LRMDA: variants seen among roughly 807,000 people sequenced by gnomAD.
LRMDA encodes the protein leucine-rich melanocyte differentiation-associated protein.
A neutral mutation model predicts 29.8 loss-of-function variants in LRMDA; 18 were observed. That is an observed-to-expected ratio of 0.60 (90% CI 0.42 to 0.90). The LOEUF (loss-of-function observed/expected upper bound fraction) is 0.90. LRMDA is among the 40% of genes least tolerant of loss of function. The pLI is 0.00. For synonymous variants in LRMDA, 125 were observed against 109.4 expected, an observed-to-expected ratio of 1.14 and a Z score of -0.89; for missense variants, 273 against 273.9, an observed-to-expected ratio of 1.00 and a Z score of 0.02.
intron 5 of LRMDA, among the ~76,000 whole-genome samples, chr10:76,114,958 C>T (rs1183010074): frequency 1.3e-5 from 2 of 152,178 alleles, no homozygotes; most frequent in Non-Finnish European, 1.5e-5. Flanking sequence ...CTCTCACATC[C>T]TCGGTATTTT....
chr10:76,036,987 G>A (rs947901025), intron 3 of LRMDA, among the ~76,000 whole-genome samples: 3 of 152,172 alleles, frequency 2.0e-5, no homozygotes, highest in Admixed American at 2.0e-4. Flanking sequence ...AAATATTTGA[G>A]GGATGAATGC....
intron 2 of LRMDA, among the ~76,000 whole-genome samples, chr10:76,030,872 T>G (rs1238060617): frequency 2.0e-5 from 3 of 152,200 alleles, no homozygotes; most frequent in Non-Finnish European, 4.4e-5. Flanking sequence ...TTCTCTCTTT[T>G]CTCCCTTCAT....
Position 76,525,408 on chromosome 10 carries a change from A to C in LRMDA, c.602-31801A>C, listed in dbSNP as rs137889299. Among the ~76,000 whole-genome samples, 22 of 152,258 alleles carry C rather than the reference A, an allele frequency of 1.4e-4. No homozygotes were observed. The East Asian group carries it at 4.1e-3, about 28-fold the overall frequency. ...CACCCACTACTGCTCCTGAAGTCCTAAACTCTATTTTTCTTCCTACCTCTT... is the reference window on the plus strand; with the variant it reads ...CACCCACTACTGCTCCTGAAGTCCTCAACTCTATTTTTCTTCCTACCTCTT... On this transcript the variant is annotated intron_variant, in intron 6 of 6. Transcript: ENST00000611255.
At position 76,462,080 on chromosome 10, in the gene LRMDA, C is replaced by CAT. The variant is rs1188670478; in HGVS notation, c.602-95128_602-95127insTA. On this transcript the variant is annotated intron_variant, in intron 6 of 6. Coordinates refer to ENST00000611255, the MANE Select transcript of LRMDA (RefSeq NM_001305581.2). ...GTCTCAAAAAAAAAAAAAAAAACCA[C>CAT]ACACACACACACAAAAACAACAACA... Among the ~76,000 whole-genome samples, 10 of 137,900 alleles carry CAT rather than the reference C, an allele frequency of 7.3e-5. No homozygotes were observed. In the East Asian group the frequency reaches 1.6e-3, roughly 23 times the overall value. The allele number at this position is 137,900 out of a possible 152,430, so 90.5% of individuals were successfully genotyped here. A position where few individuals can be genotyped will look rare whatever the true frequency, so the allele number is the denominator to read the frequency against.
intron 2 of LRMDA, among the ~76,000 whole-genome samples, chr10:75,950,786 A>G (rs980403911): frequency 1.3e-5 from 2 of 152,228 alleles, no homozygotes; most frequent in African/African-American, 4.8e-5. Flanking sequence ...GTGATCACTC[A>G]GGAACCTTTA....
intron 2 of LRMDA, among the ~76,000 whole-genome samples, chr10:75,821,310 T>C (rs1844153538): frequency 6.6e-6 from 1 of 152,210 alleles, no homozygotes; most frequent in Non-Finnish European, 1.5e-5. Flanking sequence ...AAAAAGATAG[T>C]ATACTGTGAT....
Position 75,524,812 on chromosome 10 carries a change from T to C in LRMDA, c.131+86318T>C, listed in dbSNP as rs1845396451. On this transcript the variant is annotated intron_variant, in intron 2 of 6. Transcript: ENST00000611255. Reference sequence around the variant, plus strand: ...TTTTGTCCCATCCATCCATCTGGCATTTGTTAAGTACTTGAGATGTGCAAG... The same window carrying C: ...TTTTGTCCCATCCATCCATCTGGCACTTGTTAAGTACTTGAGATGTGCAAG... Among the ~76,000 whole-genome samples the C allele has an allele frequency of 3.3e-5, 5 of 152,148 alleles. No homozygotes were observed. The South Asian group carries it at 8.3e-4, about 25-fold the overall frequency.
At chr10:76,358,338 A>G (rs572524717) in intron 6 of LRMDA, among the ~76,000 whole-genome samples, 1 of 152,310 alleles carries the variant, frequency 6.6e-6, no homozygotes, top group African/African-American at 2.4e-5. Flanking sequence ...TGTCATTTTA[A>G]CCTTAGGATG....
At position 75,790,153 on chromosome 10, in the gene LRMDA, A is replaced by G. The variant is rs1037677369; in HGVS notation, c.132-245855A>G. 2.6e-5 allele frequency among the ~76,000 whole-genome samples: 4 copies of G among 152,118 alleles called. No homozygotes were observed. In the East Asian group the frequency reaches 7.7e-4, roughly 29 times the overall value. On this transcript the variant is annotated intron_variant, in intron 2 of 6. Transcript: ENST00000611255. ...GCCCTATTGACATTTTTGGCTGGAT[A>G]ATTCTGTGTTGTGGGGGCCGTCCTG...
chr10:75,794,202 C>A (rs1242447064), intron 2 of LRMDA, among the ~76,000 whole-genome samples: 1 of 152,146 alleles, frequency 6.6e-6, no homozygotes, highest in African/African-American at 2.4e-5. Context: ...GTGAAATGCA[C>A]AGATCTTATG....
At chr10:76,032,367 A>C (rs1237502924) in intron 2 of LRMDA, among the ~76,000 whole-genome samples, 3 of 152,212 alleles carry the variant, frequency 2.0e-5, no homozygotes, top group Non-Finnish European at 2.9e-5. Context: ...TCATAAGCTA[A>C]TGAGGGCAGA....
chr10:75,651,815 A>G (rs1841603196), intron 2 of LRMDA, among the ~76,000 whole-genome samples: 2 of 152,154 alleles, frequency 1.3e-5, no homozygotes, highest in African/African-American at 4.8e-5. Context: ...TACATTGTAT[A>G]GGGTTTTGAT....
At chr10:75,561,452 T>A (rs1159770399) in intron 2 of LRMDA, among the ~76,000 whole-genome samples, 1 of 152,110 alleles carries the variant, frequency 6.6e-6, no homozygotes, top group Non-Finnish European at 1.5e-5. Flanking sequence ...TAGCGGTCTG[T>A]CAATTTTGTT....
chr10:76,131,914 T>G (rs1850000294), intron 5 of LRMDA, among the ~76,000 whole-genome samples: 2 of 152,182 alleles, frequency 1.3e-5, no homozygotes, highest in African/African-American at 4.8e-5. Flanking sequence ...GTACTAAACA[T>G]TTGTTGAAAG....
chr10:76,504,189 G>T (rs55831937), intron 6 of LRMDA, among the ~76,000 whole-genome samples: 46,295 of 151,676 alleles, frequency 0.31, 7,537 homozygotes, highest in Non-Finnish European at 0.36. Flanking sequence ...TGTGGTCCAA[G>T]AGTGTGCACA....
chr10:75,721,929 T>C (rs563540548), intron 2 of LRMDA, among the ~76,000 whole-genome samples: 6 of 152,288 alleles, frequency 3.9e-5, no homozygotes, highest in South Asian at 2.1e-4. Context: ...AAAGAAGACG[T>C]GGTTATGACG....
chr10:76,287,537 A>T (rs190069543), intron 5 of LRMDA, among the ~76,000 whole-genome samples: 2 of 152,208 alleles, frequency 1.3e-5, no homozygotes, highest in East Asian at 1.9e-4. Context: ...CTGTAGTGGT[A>T]GATATTTAAC....
At chr10:76,527,001 TA>T (rs1037848114) in intron 6 of LRMDA, among the ~76,000 whole-genome samples, 52 of 80,138 alleles carry the variant, frequency 6.5e-4, no homozygotes, top group African/African-American at 2.6e-3. Context: ...AATAAATAAA[TA>T]AATAAATAAA....
At chr10:75,976,360 C>G (rs913687545) in intron 2 of LRMDA, among the ~76,000 whole-genome samples, 1 of 152,226 alleles carries the variant, frequency 6.6e-6, no homozygotes. Flanking sequence ...ATTGCCTTCT[C>G]GAACACTCAT....
Sources: gnomAD v4.1 joint callset for allele counts (sites outside exome capture counted in the v4.1 genomes callset) on GRCh38, gnomAD v4.1.1 for gene constraint, MANE v1.5 for transcripts, NCBI Gene and HGNC (gene_info 2026-07-23, HGNC 2026-07-21) for gene names.